MRPL44: variants seen among roughly 807,000 people sequenced by gnomAD.
The protein encoded by MRPL44 is large ribosomal subunit protein mL44.
MRPL44 carries 21 observed loss-of-function variants against 25.9 expected under a neutral mutation model. The ratio of observed to expected loss-of-function variants is 0.81; its 90% confidence interval spans 0.58 to 1.17. MRPL44 has a LOEUF of 1.17. MRPL44 is among the 50% of genes most tolerant of loss of function. MRPL44 has a pLI of 0.00. For missense variants in MRPL44, 410 were observed against 398.9 expected (o/e 1.03, Z -0.24); for synonymous variants, 169 against 151.0 (o/e 1.12, Z -0.87).
At chr2:223,957,300 A>T, upstream of MRPL44, 2 of 727,024 alleles carry the variant, frequency 2.8e-6, no homozygotes, top group African/African-American at 1.8e-5. Context: ...GGCCGCAATC[A>T]CCCCGCCCCG....
upstream of MRPL44, among the ~76,000 whole-genome samples, chr2:223,954,212 T>C (rs751118632): frequency 6.6e-6 from 1 of 152,212 alleles, no homozygotes; most frequent in Non-Finnish European, 1.5e-5. Context: ...TGATCCTCCT[T>C]TCCATCTCTT....
chr2:223,966,971 G>T lies in MRPL44; in HGVS notation c.936G>T (p.Arg312=). The stretch of plus-strand genomic sequence containing the variant: ...TTTATGGATTCACAGAAAATAGACG[G>T]CCGTGGAACTATTCCAAGCCCAAAG... ...RKLYGFTENR[R]PWNYSKPKET... is the part of the protein sequence containing the mutation. The change falls in exon 4 of 4, where the codon CGG becomes CGT. Residue 312 remains arginine, a synonymous_variant. Transcript: ENST00000258383. 6.2e-7 allele frequency: 1 copy of T among 1,614,024 alleles called. No individual in the cohort carries two copies. Among genetic ancestry groups the T allele is most frequent in the Non-Finnish European group, 8.5e-7 (1 of 1,179,926 alleles).
At chr2:223,958,245 CAA>C (rs1689601813) in intron 1 of MRPL44, among the ~76,000 whole-genome samples, 1 of 152,112 alleles carries the variant, frequency 6.6e-6, no homozygotes, top group Non-Finnish European at 1.5e-5. Context: ...CATGGTATTA[CAA>C]AGATATGTAC....
upstream of MRPL44, among the ~76,000 whole-genome samples, chr2:223,956,054 T>A (rs1245874616): frequency 6.6e-6 from 1 of 152,176 alleles, no homozygotes; most frequent in Admixed American, 6.5e-5. Context: ...TACAACTGGC[T>A]TAGATTATTT....
In MRPL44 at chr2:223,963,932, C is replaced by G. The variant is rs1156336292; in HGVS notation, c.825C>G (p.Tyr275Ter). 13 of 1,609,224 alleles carry G rather than the reference C, an allele frequency of 8.1e-6. No individual in the cohort carries two copies. The highest frequency in any genetic ancestry group is 2.2e-5 in the East Asian group (1 of 44,632). Residue 275 changes from tyrosine to a stop codon, truncating the protein, a stop_gained and splice_region_variant, in exon 3 of 4, where the codon TAC becomes TAG. Coordinates refer to ENST00000258383, the MANE Select transcript of MRPL44 (RefSeq NM_022915.5). LOFTEE classifies it high-confidence loss of function. ...TALPLYFVGL[Y>*]CDKKLIAEGP... ...TGCCTTTGTATTTTGTTGGCTTATA[C>G]TGGTTAGTGAAATTTTAATCTTAAC...
intron 3 of MRPL44, among the ~76,000 whole-genome samples, chr2:223,964,652 A>G (rs563902778): frequency 6.6e-6 from 1 of 152,178 alleles, no homozygotes; most frequent in Admixed American, 6.5e-5. Context: ...CCTTTTAAAC[A>G]TATCTTTTAT....
intron 2 of MRPL44, among the ~76,000 whole-genome samples, chr2:223,963,240 C>G: frequency 6.6e-6 from 1 of 152,056 alleles, no homozygotes; most frequent in East Asian, 1.9e-4. Context: ...GGCCAGGAGT[C>G]GAGACTAGGC....
intron 2 of MRPL44, among the ~76,000 whole-genome samples, 193 bp from the exon 3 acceptor site, chr2:223,963,563 A>C (rs1256078773): frequency 6.6e-6 from 1 of 152,150 alleles, no homozygotes; most frequent in Non-Finnish European, 1.5e-5. Context: ...TTTTTGCAAT[A>C]AAATTAGTGT....
intron 1 of MRPL44, among the ~76,000 whole-genome samples, chr2:223,959,211 C>T (rs1689618037): frequency 6.6e-6 from 1 of 152,100 alleles, no homozygotes; most frequent in Non-Finnish European, 1.5e-5. Context: ...AGGTATAAAA[C>T]ATAGTATCAT....
chr2:223,966,483 T>A (rs1245770290), intron 3 of MRPL44, among the ~76,000 whole-genome samples: 1 of 152,184 alleles, frequency 6.6e-6, no homozygotes, highest in African/African-American at 2.4e-5. Context: ...CCAAGTTATA[T>A]CACACATTAA....
In MRPL44 at chr2:223,966,935, C is replaced by G. The variant is rs1172189883; in HGVS notation, c.900C>G (p.Ala300=). 6 of 1,614,070 alleles carry G rather than the reference C, an allele frequency of 3.7e-6. No individual in the cohort carries two copies. The highest frequency in any genetic ancestry group is 1.6e-4 in the Middle Eastern group (1 of 6,062). The change falls in exon 4 of 4, where the codon GCC becomes GCG. Residue 300 remains alanine (A), a synonymous_variant. Coordinates refer to ENST00000258383, the MANE Select transcript of MRPL44 (RefSeq NM_022915.5). ...LVAEEEAARV[A]LRKLYGFTEN... ...CAGAAGAAGAGGCTGCTCGAGTGGC[C>G]CTTAGAAAACTTTATGGATTCACAG...
chr2:223,951,877 A>G, the MRPL44 span, among the ~76,000 whole-genome samples: 1 of 152,190 alleles, frequency 6.6e-6, no homozygotes, highest in Admixed American at 6.5e-5. Flanking sequence ...GGAGTATTTT[A>G]TAGTTGTACT....
chr2:223,953,191 G>A (rs1478525133), upstream of MRPL44, among the ~76,000 whole-genome samples: 1 of 149,690 alleles, frequency 6.7e-6, no homozygotes, highest in African/African-American at 2.5e-5. Flanking sequence ...CTCGAGTGCA[G>A]TGGTGCTATC....
chr2:223,960,897 T>C (rs1316095554), intron 2 of MRPL44, among the ~76,000 whole-genome samples: 1 of 152,244 alleles, frequency 6.6e-6, no homozygotes, highest in Non-Finnish European at 1.5e-5. Context: ...GTCATGAAAC[T>C]ATGTTGGAAA....
intron 2 of MRPL44, among the ~76,000 whole-genome samples, chr2:223,962,202 T>G (rs13019900): frequency 0.39 from 59,654 of 151,908 alleles, 12,013 homozygotes; most frequent in Non-Finnish European, 0.44. Context: ...CCAGCTAAAT[T>G]TTTTCTGTAG....
chr2:223,958,947 G>T (rs550851830), intron 1 of MRPL44, among the ~76,000 whole-genome samples: 2 of 152,334 alleles, frequency 1.3e-5, no homozygotes, highest in East Asian at 1.9e-4. Context: ...GTGAGCACAT[G>T]CAGAATTGCT....
At position 223,966,923 on chromosome 2, in the gene MRPL44, T is replaced by G. The variant is rs185877673; in HGVS notation, c.888T>G (p.Ala296=). 161 of 1,614,220 alleles carry G rather than the reference T, an allele frequency of 1.0e-4. 1 individual carries two copies. The Admixed American group carries it at 2.7e-3, about 27-fold the overall frequency. Reference sequence around the variant, plus strand: ...CAGTATTGGTTGCAGAAGAAGAGGCTGCTCGAGTGGCCCTTAGAAAACTTT... The same window carrying G: ...CAGTATTGGTTGCAGAAGAAGAGGCGGCTCGAGTGGCCCTTAGAAAACTTT... ...GETVLVAEEE[A]ARVALRKLYG... The change falls in exon 4 of 4, where the codon GCT becomes GCG. Residue 296 remains alanine (A), a synonymous_variant. Coordinates refer to ENST00000258383, the MANE Select transcript of MRPL44 (RefSeq NM_022915.5).
chr2:223,957,386 T>C, upstream of MRPL44: 1 of 1,552,340 alleles, frequency 6.4e-7, no homozygotes, highest in South Asian at 1.1e-5. Flanking sequence ...CTCTTCGCGT[T>C]CCGCGTTCCG....
upstream of MRPL44, chr2:223,957,368 C>T (rs1340975094): frequency 7.5e-6 from 11 of 1,461,878 alleles, no homozygotes; most frequent in Admixed American, 7.0e-5. Flanking sequence ...TGTCTCCGCC[C>T]CAGCCTTCTC....
Sources: allele counts gnomAD v4.1 joint callset (sites outside exome capture counted in the v4.1 genomes callset), GRCh38; gene constraint gnomAD v4.1.1; transcripts MANE v1.5; gene names NCBI Gene and HGNC (gene_info 2026-07-23, HGNC 2026-07-21).